KIFAP3: variants seen among roughly 807,000 people sequenced by gnomAD.
The protein encoded by KIFAP3 is kinesin-associated protein 3.
Under a neutral mutation model 106.5 loss-of-function variants are expected in KIFAP3, and 68 were observed. That is an observed-to-expected ratio of 0.64 (90% CI 0.53 to 0.78). KIFAP3 has a LOEUF of 0.78. KIFAP3 is among the 30% of genes least tolerant of loss of function. The pLI is 0.00. For synonymous variants in KIFAP3, 320 were observed against 311.5 expected, an observed-to-expected ratio of 1.03 and a Z score of -0.29; for missense variants, 780 against 941.8, an observed-to-expected ratio of 0.83 and a Z score of 2.25.
chr1:170,082,043 A>G (rs1218674615), intron 1 of KIFAP3, among the ~76,000 whole-genome samples: 1 of 152,244 alleles, frequency 6.6e-6, no homozygotes, highest in East Asian at 1.9e-4. Flanking sequence ...TTTCTTCAAC[A>G]GTTAAATGCA....
chr1:169,930,979 G>C (rs543379263), intron 19 of KIFAP3, among the ~76,000 whole-genome samples: 56 of 142,478 alleles, frequency 3.9e-4, no homozygotes, highest in African/African-American at 1.4e-3. Context: ...GAGCGCAATG[G>C]TGCAATCCTG....
chr1:170,033,922 C>T (rs1669547740), intron 7 of KIFAP3, among the ~76,000 whole-genome samples: 1 of 151,762 alleles, frequency 6.6e-6, no homozygotes, highest in African/African-American at 2.4e-5. Context: ...TTATTAACAA[C>T]AGTATTTTTG....
At chr1:170,034,557 T>C in intron 6 of KIFAP3, 61 bp from the exon 7 acceptor site, 1 of 931,364 alleles carries the variant, frequency 1.1e-6, no homozygotes, top group Non-Finnish European at 1.6e-6. Context: ...ACAGGAAATT[T>C]GTTTTTGGTG....
chr1:170,064,199 C>T (rs886691197), intron 1 of KIFAP3, among the ~76,000 whole-genome samples: 1 of 152,132 alleles, frequency 6.6e-6, no homozygotes, highest in Non-Finnish European at 1.5e-5. Context: ...TGAATAATAT[C>T]AGTTTCATTT....
At chr1:169,986,606 T>G (rs978697106) in intron 11 of KIFAP3, among the ~76,000 whole-genome samples, 1 of 152,006 alleles carries the variant, frequency 6.6e-6, no homozygotes, top group Non-Finnish European at 1.5e-5. Context: ...ATCTGCCCAA[T>G]AAAAATTAAA....
At chr1:170,069,654 G>T (rs1434872448) in intron 1 of KIFAP3, among the ~76,000 whole-genome samples, 2 of 151,974 alleles carry the variant, frequency 1.3e-5, no homozygotes, top group Non-Finnish European at 2.9e-5. Context: ...AGGAATAGAA[G>T]AAAAGTCCCT....
chr1:170,042,620 A>C (rs1328077637), intron 3 of KIFAP3, among the ~76,000 whole-genome samples: 1 of 152,142 alleles, frequency 6.6e-6, no homozygotes, highest in Non-Finnish European at 1.5e-5. Flanking sequence ...GTACTAACTG[A>C]GGGTTCCTCT....
chr1:169,993,169 A>T (rs982692330), intron 10 of KIFAP3, among the ~76,000 whole-genome samples: 31 of 146,922 alleles, frequency 2.1e-4, no homozygotes, highest in African/African-American at 7.8e-4. Context: ...GTGCAGTGGC[A>T]CAATCTTGGC....
chr1:170,033,508 T>G (rs954999082), intron 7 of KIFAP3, among the ~76,000 whole-genome samples: 3 of 151,786 alleles, frequency 2.0e-5, no homozygotes, highest in Non-Finnish European at 3.0e-5. Context: ...CTGCAAAACA[T>G]ATCATGGTTG....
chr1:170,042,667 C>A (rs1213487545), intron 3 of KIFAP3, among the ~76,000 whole-genome samples: 1 of 152,150 alleles, frequency 6.6e-6, no homozygotes, highest in Non-Finnish European at 1.5e-5. Context: ...TGACCTGTGA[C>A]TGAGTGGGAG....
chr1:170,041,499 C>T (rs1239709256), intron 3 of KIFAP3, among the ~76,000 whole-genome samples: 1 of 152,074 alleles, frequency 6.6e-6, no homozygotes, highest in African/African-American at 2.4e-5. Flanking sequence ...AAAAATTAGC[C>T]AGGTATGGTT....
At chr1:170,078,029 TGTTA>T (rs371725243), upstream of KIFAP3, among the ~76,000 whole-genome samples, 64 of 152,292 alleles carry the variant, frequency 4.2e-4, 1 homozygote, top group East Asian at 3.1e-3. Flanking sequence ...CAGATTTTTG[TGTTA>T]GTTAGTATTC....
chr1:170,019,543 C>A (rs1397415650), intron 9 of KIFAP3, among the ~76,000 whole-genome samples: 2 of 152,116 alleles, frequency 1.3e-5, no homozygotes, highest in African/African-American at 4.8e-5. Context: ...ATGTAACTCA[C>A]TATATCAACA....
intron 19 of KIFAP3, among the ~76,000 whole-genome samples, chr1:169,924,927 T>C (rs1016931489): frequency 6.6e-6 from 1 of 152,180 alleles, no homozygotes; most frequent in Non-Finnish European, 1.5e-5. Flanking sequence ...TCACAGGAAT[T>C]TGTATGCCCT....
At chr1:169,960,999 CTA>C in intron 18 of KIFAP3, 45 bp downstream of exon 18, 3 of 1,477,640 alleles carry the variant, frequency 2.0e-6, no homozygotes, top group Admixed American at 1.9e-5. Flanking sequence ...ACTAAAATCT[CTA>C]TTCATAGCAT....
At chr1:170,059,057 A>T (rs899860650) in intron 1 of KIFAP3, among the ~76,000 whole-genome samples, 3 of 152,210 alleles carry the variant, frequency 2.0e-5, no homozygotes, top group African/African-American at 7.2e-5. Flanking sequence ...AATGCCCACA[A>T]GAGTAAGCAG....
In KIFAP3 at chr1:170,074,489, G is replaced by A. The variant is rs765798267; in HGVS notation, c.-22C>T. 5 of 1,613,840 alleles carry A rather than the reference G, an allele frequency of 3.1e-6. No homozygotes were observed. In the Admixed American group the frequency reaches 8.3e-5, roughly 27 times the overall value. ...GCATGGCGGCAGCGGCAGCGGCGTG[G>A]AGAGGATGGGGTATCTTGAGAGGCA... On this transcript the variant is annotated 5_prime_UTR_variant, in exon 1 of 20. Transcript: ENST00000361580.
chr1:170,031,076 T>C (rs1174780689), intron 8 of KIFAP3, among the ~76,000 whole-genome samples: 1 of 151,802 alleles, frequency 6.6e-6, no homozygotes, highest in Non-Finnish European at 1.5e-5. Flanking sequence ...AACTTTTACA[T>C]GAAAACAATT....
chr1:170,065,180 A>G (rs1045693980), intron 1 of KIFAP3, among the ~76,000 whole-genome samples: 28 of 152,284 alleles, frequency 1.8e-4, no homozygotes, highest in South Asian at 1.5e-3. Context: ...TTTATCTGAC[A>G]TTAATATGGT....
Sources: gnomAD v4.1 joint callset for allele counts (sites outside exome capture counted in the v4.1 genomes callset) on GRCh38, gnomAD v4.1.1 for gene constraint, MANE v1.5 for transcripts, NCBI Gene and HGNC (gene_info 2026-07-23, HGNC 2026-07-21) for gene names.